STMN2: variants seen among roughly 807,000 people sequenced by gnomAD.
STMN2 encodes stathmin-2.
In STMN2, 2 loss-of-function variants were observed where a neutral mutation model predicts 24.1. The ratio of observed to expected loss-of-function variants is 0.08; its 90% confidence interval spans 0.03 to 0.26. The LOEUF (loss-of-function observed/expected upper bound fraction) is 0.26. STMN2 is among the 10% of genes least tolerant of loss of function. The pLI is 1.00. For synonymous variants in STMN2, 83 were observed against 77.5 expected (o/e 1.07, Z -0.37); for missense variants, 114 against 213.6 (o/e 0.53, Z 2.91).
chr8:79,615,889 T>C (rs10216852), intron 1 of STMN2, among the ~76,000 whole-genome samples: 53,138 of 152,112 alleles, frequency 0.35, 9,381 homozygotes, highest in South Asian at 0.41. Flanking sequence ...TATAATACCA[T>C]TTATGTTACT....
At chr8:79,615,614 G>A (rs1453825274) in intron 1 of STMN2, among the ~76,000 whole-genome samples, 1 of 152,106 alleles carries the variant, frequency 6.6e-6, no homozygotes, top group East Asian at 1.9e-4. Context: ...CCACACTAGA[G>A]GGCAATCATG....
intron 1 of STMN2, among the ~76,000 whole-genome samples, chr8:79,636,339 T>C (rs1343750420): frequency 6.6e-6 from 1 of 152,212 alleles, no homozygotes; most frequent in Admixed American, 6.5e-5. Flanking sequence ...TGATGAGTTA[T>C]CTGACTATTC....
At chr8:79,658,131 A>C (rs1021990160) in intron 4 of STMN2, among the ~76,000 whole-genome samples, 8 of 152,166 alleles carry the variant, frequency 5.3e-5, no homozygotes, top group Non-Finnish European at 8.8e-5. Context: ...CTCAAACAAA[A>C]ATTCAAAAAT....
At chr8:79,655,171 G>C (rs1418395191) in intron 4 of STMN2, 109 bp downstream of exon 4, 1 of 1,270,668 alleles carries the variant, frequency 7.9e-7, no homozygotes, top group African/African-American at 1.5e-5. Flanking sequence ...CTGCAGGTGT[G>C]AGGACAACTA....
chr8:79,632,055 A>G (rs1563438197), intron 1 of STMN2, among the ~76,000 whole-genome samples: 1 of 152,120 alleles, frequency 6.6e-6, no homozygotes, highest in Non-Finnish European at 1.5e-5. Context: ...ATTAGCAGAG[A>G]ACCCTATTTC....
At chr8:79,623,419 C>T (rs1809565307) in intron 1 of STMN2, among the ~76,000 whole-genome samples, 1 of 152,136 alleles carries the variant, frequency 6.6e-6, no homozygotes, top group African/African-American at 2.4e-5. Context: ...ACTACCAATA[C>T]CAAAACATTT....
intron 4 of STMN2, 28 bp downstream of exon 4, chr8:79,655,090 G>A: frequency 6.2e-7 from 1 of 1,609,490 alleles, no homozygotes. Context: ...CTGAGCAGAT[G>A]GATATATTCA....
At chr8:79,660,492 T>G (rs1806479427) in intron 4 of STMN2, among the ~76,000 whole-genome samples, 1 of 152,160 alleles carries the variant, frequency 6.6e-6, no homozygotes, top group Admixed American at 6.5e-5. Flanking sequence ...AATTCATCAT[T>G]TCACTTCTAA....
intron 4 of STMN2, 140 bp downstream of exon 4, chr8:79,655,202 A>C: frequency 4.5e-6 from 4 of 881,976 alleles, no homozygotes; most frequent in Non-Finnish European, 6.8e-6. Flanking sequence ...GCAGGGTCTC[A>C]CAGTGTAGCA....
intron 2 of STMN2, among the ~76,000 whole-genome samples, chr8:79,639,626 G>C (rs938215156): frequency 9.2e-5 from 14 of 152,080 alleles, no homozygotes; most frequent in African/African-American, 3.4e-4. Flanking sequence ...AAACATAAGG[G>C]TCTGATAATC....
At chr8:79,635,757 G>T (rs565177951) in intron 1 of STMN2, among the ~76,000 whole-genome samples, 1 of 152,148 alleles carries the variant, frequency 6.6e-6, no homozygotes, top group Admixed American at 6.6e-5. Flanking sequence ...GACTACTAGA[G>T]GGGGGAAGGA....
At chr8:79,629,570 G>T (rs192359388) in intron 1 of STMN2, among the ~76,000 whole-genome samples, 2 of 152,100 alleles carry the variant, frequency 1.3e-5, no homozygotes, top group African/African-American at 4.8e-5. Context: ...TGCACACTGC[G>T]CATTTTACAA....
intron 1 of STMN2, 28 bp downstream of exon 1, chr8:79,611,242 G>A (rs201909948): frequency 3.6e-4 from 588 of 1,613,672 alleles, no homozygotes; most frequent in Admixed American, 5.2e-4. Flanking sequence ...GTTCTCCGTC[G>A]GCTCTACCTG....
intron 1 of STMN2, among the ~76,000 whole-genome samples, chr8:79,623,061 C>T (rs1006512715): frequency 6.6e-6 from 1 of 152,176 alleles, no homozygotes; most frequent in Non-Finnish European, 1.5e-5. Flanking sequence ...CAGGGATCCT[C>T]CCGTTGCTTT....
Position 79,624,453 on chromosome 8 carries a change from C to CAAAAAAA in STMN2, c.20-12330_20-12324dup, listed in dbSNP as rs1011493193. ...TGGGCGACAGAGCGAGACTCCGTCT[C>CAAAAAAA]AAAAAAAAAAAAAAAAAAAAAAAAA... On this transcript the variant is annotated intron_variant, in intron 1 of 4. Transcript: ENST00000220876. Among the ~76,000 whole-genome samples the CAAAAAAA allele has an allele frequency of 8.7e-3, 390 of 45,070 alleles. 9 individuals carry two copies. Among genetic ancestry groups the CAAAAAAA allele is most frequent in the Non-Finnish European group, 0.014 (300 of 21,808 alleles). 29.6% of individuals were successfully genotyped at this position (45,070 alleles called of 152,430 possible).
At chr8:79,636,006 C>T (rs1322128844) in intron 1 of STMN2, among the ~76,000 whole-genome samples, 3 of 152,028 alleles carry the variant, frequency 2.0e-5, no homozygotes, top group Non-Finnish European at 4.4e-5. Context: ...TGCTTGAGCC[C>T]GGGAATTCAA....
chr8:79,638,389 T>A (rs922489921), intron 2 of STMN2, among the ~76,000 whole-genome samples: 1 of 152,048 alleles, frequency 6.6e-6, no homozygotes, highest in Non-Finnish European at 1.5e-5. Context: ...TGCGTTCTCT[T>A]ATAATCCTTT....
chr8:79,636,774 T>G, intron 1 of STMN2, 28 bp from the exon 2 acceptor site: 1 of 1,592,840 alleles, frequency 6.3e-7, no homozygotes, highest in Non-Finnish European at 8.6e-7. Context: ...AAAAATGAAA[T>G]ATACTAATCT....
intron 1 of STMN2, among the ~76,000 whole-genome samples, chr8:79,630,502 A>G (rs1377824727): frequency 6.6e-6 from 1 of 152,232 alleles, no homozygotes; most frequent in Non-Finnish European, 1.5e-5. Flanking sequence ...CTGGTGACCA[A>G]AACATTTGTG....
Sources: allele counts gnomAD v4.1 joint callset (sites outside exome capture counted in the v4.1 genomes callset), GRCh38; gene constraint gnomAD v4.1.1; transcripts MANE v1.5; gene names NCBI Gene and HGNC (gene_info 2026-07-23, HGNC 2026-07-21).